The following UGT1A7 variants were observed in gnomAD, a reference collection of about 807,000 sequenced individuals.
The protein encoded by UGT1A7 is UDP glucuronosyltransferase family 1 member A7.
In UGT1A7, 33 loss-of-function variants were observed where a neutral mutation model predicts 45.6. That is an observed-to-expected ratio of 0.72 (90% CI 0.55 to 0.97). The LOEUF (loss-of-function observed/expected upper bound fraction) is 0.97, where lower values mean the gene tolerates loss of function less well. UGT1A7 is among the 50% of genes least tolerant of loss of function. The probability of loss-of-function intolerance (pLI) is 0.00; values close to 1 mark genes in which losing one functional copy is unlikely to be tolerated. For missense variants in UGT1A7, 684 were observed against 666.2 expected, an observed-to-expected ratio of 1.03 and a Z score of -0.29; for synonymous variants, 274 against 250.6, an observed-to-expected ratio of 1.09 and a Z score of -0.88.
At chr2:233,729,140 T>C (rs764216877) in intron 1 of UGT1A7, 7 of 1,613,266 alleles carry the variant, frequency 4.3e-6, no homozygotes, top group East Asian at 2.2e-5. Context: ...GCCACAGGAC[T>C]CCAGGTTCCC....
At position 233,713,670 on chromosome 2, in the gene UGT1A7, G is replaced by T. The variant is rs200994534; in HGVS notation, c.855+30878G>T. On this transcript the variant is annotated intron_variant, in intron 1 of 4. Transcript: ENST00000373426. ...GGCCCTGTCCTACCTTTGCCATGCT[G>T]TTTCTGCTCCTTATGCAAGCCTTGC... 1.7e-4 allele frequency: 280 copies of T among 1,613,946 alleles called. 1 individual carries two copies. The highest frequency in any genetic ancestry group is 2.1e-4 in the Non-Finnish European group (247 of 1,179,872).
chr2:233,715,458 T>C (rs1405071457), intron 1 of UGT1A7, among the ~76,000 whole-genome samples: 3 of 152,180 alleles, frequency 2.0e-5, no homozygotes, highest in Admixed American at 6.5e-5. Context: ...ATTTTTTGAA[T>C]TCCCCATCTC....
chr2:233,737,087 A>G (rs955839676), intron 1 of UGT1A7, among the ~76,000 whole-genome samples: 1 of 152,174 alleles, frequency 6.6e-6, no homozygotes, highest in Non-Finnish European at 1.5e-5. Context: ...TCAGACAGGG[A>G]TGTTTAAGTC....
chr2:233,772,294 T>G lies in UGT1A7; in HGVS notation c.1328T>G (p.Leu443Arg). 6.2e-7 allele frequency: 1 copy of G among 1,614,228 alleles called. No individual in the cohort carries two copies. The highest frequency in any genetic ancestry group is 8.5e-7 in the Non-Finnish European group (1 of 1,180,042). The change falls in exon 5 of 5, where the codon CTT (leucine) becomes CGT (arginine). Residue 443 changes from leucine (L) to arginine (R), a missense_variant. By Grantham distance (102) the Leu-to-Arg change is moderately radical. Coordinates refer to ENST00000373426, the MANE Select transcript of UGT1A7 (RefSeq NM_019077.3). Reference protein sequence around the residue: ...YKENIMRLSSLHKDRPVEPLD... With the variant: ...YKENIMRLSSRHKDRPVEPLD... ...GAGAACATCATGCGCCTCTCCAGCC[T>G]TCACAAGGACCGCCCGGTGGAGCCG...
intron 1 of UGT1A7, among the ~76,000 whole-genome samples, chr2:233,748,399 G>T (rs1575689614): frequency 6.6e-6 from 1 of 151,790 alleles, no homozygotes; most frequent in East Asian, 1.9e-4. Context: ...AAGGAGCAGG[G>T]ACACTACATT....
chr2:233,683,888 A>C (rs1489216794), intron 1 of UGT1A7, among the ~76,000 whole-genome samples: 1 of 152,158 alleles, frequency 6.6e-6, no homozygotes, highest in African/African-American at 2.4e-5. Context: ...CCTGGTATTT[A>C]TACCTCTTAT....
intron 1 of UGT1A7, chr2:233,713,397 G>T (rs1559359368): frequency 5.0e-6 from 8 of 1,613,912 alleles, no homozygotes; most frequent in Non-Finnish European, 6.8e-6. Flanking sequence ...GCATAATGAG[G>T]CCCTGATCAG....
chr2:233,755,056 T>C (rs550232994), intron 1 of UGT1A7: 129 of 1,333,538 alleles, frequency 9.7e-5, no homozygotes, highest in African/African-American at 8.9e-4. Flanking sequence ...CCCTCCGCCC[T>C]CGCCTCGCCA....
chr2:233,715,168 G>T (rs926967380), intron 1 of UGT1A7, among the ~76,000 whole-genome samples: 1 of 152,054 alleles, frequency 6.6e-6, no homozygotes, highest in African/African-American at 2.4e-5. Flanking sequence ...TTACAGGCGC[G>T]AGCCACCACA....
chr2:233,724,960 GCCGAGGTTGGCGGAT>G (rs567349076), intron 1 of UGT1A7, among the ~76,000 whole-genome samples: 4,803 of 144,840 alleles, frequency 0.033, 234 homozygotes, highest in African/African-American at 0.051. Context: ...ACCTCGGGAG[GCCGAGGTTGGCGGAT>G]CACTCGCGGT....
intron 1 of UGT1A7, among the ~76,000 whole-genome samples, chr2:233,764,720 G>A (rs1488683607): frequency 6.6e-6 from 1 of 152,208 alleles, no homozygotes; most frequent in African/African-American, 2.4e-5. Flanking sequence ...CCCCAAGAAA[G>A]AGGGAGAGAA....
intron 1 of UGT1A7, among the ~76,000 whole-genome samples, chr2:233,749,973 G>A (rs1482988958): frequency 6.6e-6 from 1 of 151,850 alleles, no homozygotes; most frequent in Non-Finnish European, 1.5e-5. Flanking sequence ...CTTTATAGCA[G>A]TGTGAGAATG....
intron 1 of UGT1A7, among the ~76,000 whole-genome samples, chr2:233,728,671 C>T (rs1367179022): frequency 6.6e-6 from 1 of 152,178 alleles, no homozygotes; most frequent in Non-Finnish European, 1.5e-5. Flanking sequence ...GTTACTCATA[C>T]ATGAGAAGAA....
chr2:233,720,226 G>A (rs989732732), intron 1 of UGT1A7, among the ~76,000 whole-genome samples: 1 of 152,194 alleles, frequency 6.6e-6, no homozygotes, highest in South Asian at 2.1e-4. Context: ...CATGTGATCA[G>A]AGAATGAAAC....
At chr2:233,745,000 A>T in intron 1 of UGT1A7, among the ~76,000 whole-genome samples, 1 of 151,770 alleles carries the variant, frequency 6.6e-6, no homozygotes, top group Non-Finnish European at 1.5e-5. Context: ...GATTACTTTT[A>T]CCTAATAAAT....
In UGT1A7 at chr2:233,769,600, G is replaced by A. The variant is rs36059993; in HGVS notation, c.1295+1161G>A. 2,963 of 1,612,786 alleles carry A rather than the reference G, an allele frequency of 1.8e-3. 49 individuals are homozygous for A. In the African/African-American group the frequency reaches 0.035, roughly 19 times the overall value. ...GTTCAGATGAGAGGAGACGGAACAC[G>A]GGGACACACCAGCTTGAGCAAGGGA... is the stretch of plus-strand genomic sequence containing the variant. On this transcript the variant is annotated intron_variant, in intron 4 of 4. Transcript: ENST00000373426. The surrounding 1 kb of genome is among the most constrained non-coding windows in gnomAD (Gnocchi z 4.4).
At chr2:233,686,426 C>T (rs2074789330) in intron 1 of UGT1A7, among the ~76,000 whole-genome samples, 1 of 152,150 alleles carries the variant, frequency 6.6e-6, no homozygotes, top group Non-Finnish European at 1.5e-5. Context: ...TAAACACACG[C>T]ATGCTTGACA....
intron 1 of UGT1A7, among the ~76,000 whole-genome samples, chr2:233,723,158 A>G (rs1188263696): frequency 7.4e-6 from 1 of 135,668 alleles, no homozygotes; most frequent in Non-Finnish European, 1.5e-5. Flanking sequence ...CATTTGCTTT[A>G]GTTTCAGTGC....
At chr2:233,733,150 A>G (rs1001837266) in intron 1 of UGT1A7, among the ~76,000 whole-genome samples, 7 of 152,190 alleles carry the variant, frequency 4.6e-5, no homozygotes, top group Non-Finnish European at 7.3e-5. Flanking sequence ...ATTTTTGCAC[A>G]TTGATTTTGT....
Sources: allele counts gnomAD v4.1 joint callset (sites outside exome capture counted in the v4.1 genomes callset), GRCh38; gene constraint gnomAD v4.1.1; non-coding constraint Gnocchi (gnomAD v3.1); transcripts MANE v1.5; gene names NCBI Gene and HGNC (gene_info 2026-07-23, HGNC 2026-07-21).